The following RSPH4A variants were observed in gnomAD, a reference collection of about 807,000 sequenced individuals.
RSPH4A encodes radial spoke head protein 4 homolog A.
In RSPH4A, 47 loss-of-function variants were observed where a neutral mutation model predicts 71.0. The ratio of observed to expected loss-of-function variants is 0.66; its 90% CI spans 0.52 to 0.84. The LOEUF (loss-of-function observed/expected upper bound fraction) is 0.84, where lower values mean the gene tolerates loss of function less well. Among genes scored for constraint, RSPH4A ranks in the 40% least tolerant of loss-of-function variants. RSPH4A has a pLI of 0.00. For missense variants in RSPH4A, 793 were observed against 855.2 expected (o/e 0.93, Z 0.91); for synonymous variants, 282 against 302.3 (o/e 0.93, Z 0.70).
intron 1 of RSPH4A, among the ~76,000 whole-genome samples, chr6:116,621,590 T>G (rs1265097141): frequency 6.6e-6 from 1 of 152,184 alleles, no homozygotes; most frequent in Non-Finnish European, 1.5e-5. Flanking sequence ...CAGAAAGAAC[T>G]CCTCTGAACT....
At chr6:116,619,017 G>C (rs961799287) in intron 1 of RSPH4A, among the ~76,000 whole-genome samples, 4 of 152,194 alleles carry the variant, frequency 2.6e-5, no homozygotes, top group Non-Finnish European at 4.4e-5. Flanking sequence ...TTATTATAAA[G>C]GATATTACAA....
At chr6:116,628,853 G>T (rs1483877165) in intron 3 of RSPH4A, among the ~76,000 whole-genome samples, 2 of 152,050 alleles carry the variant, frequency 1.3e-5, no homozygotes, top group African/African-American at 4.8e-5. Context: ...ATTGTGCCAG[G>T]TGTGTGTGTG....
In RSPH4A at chr6:116,628,373, G is replaced by A. The variant is rs1055448205; in HGVS notation, c.1662+4G>A. The A allele has an allele frequency of 6.2e-7, 1 of 1,607,240 alleles. No homozygotes were observed. Among genetic ancestry groups the A allele is most frequent in the African/African-American group, 1.3e-5 (1 of 74,748 alleles). On this transcript the variant is annotated splice_donor_region_variant and intron_variant, in intron 3 of 5. Transcript: ENST00000229554. ...TGTACAGCATATTCTCTCTCAGGTAGGAGCTTTGCACTTCTCAATCTATCA... is the reference window on the plus strand; with the variant it reads ...TGTACAGCATATTCTCTCTCAGGTAAGAGCTTTGCACTTCTCAATCTATCA...
chr6:116,622,466 A>G (rs1231247325), intron 1 of RSPH4A, among the ~76,000 whole-genome samples: 1 of 152,202 alleles, frequency 6.6e-6, no homozygotes, highest in Admixed American at 6.5e-5. Context: ...TATTGGAATC[A>G]TTTCCTAAGG....
intron 1 of RSPH4A, among the ~76,000 whole-genome samples, chr6:116,621,374 A>T (rs887520000): frequency 6.6e-6 from 1 of 152,214 alleles, no homozygotes; most frequent in Non-Finnish European, 1.5e-5. Context: ...AGATAAATAG[A>T]GACGTTAAAT....
intron 5 of RSPH4A, among the ~76,000 whole-genome samples, chr6:116,630,930 C>T (rs1775794851): frequency 1.4e-5 from 2 of 144,580 alleles, no homozygotes; most frequent in Admixed American, 1.4e-4. Flanking sequence ...ATCTCATGAT[C>T]CGCCCCGCCT....
intron 5 of RSPH4A, among the ~76,000 whole-genome samples, chr6:116,631,394 G>T (rs934533427): frequency 1.6e-4 from 25 of 152,144 alleles, no homozygotes; most frequent in Admixed American, 1.6e-3. Context: ...TTCCCCCATG[G>T]AATGGCCCTC....
At chr6:116,623,582 ATTTCT>A (rs1332859214) in intron 2 of RSPH4A, among the ~76,000 whole-genome samples, 1 of 152,150 alleles carries the variant, frequency 6.6e-6, no homozygotes, top group Non-Finnish European at 1.5e-5. Context: ...AGAGTAAAGG[ATTTCT>A]TCACATTTTA....
At chr6:116,621,188 A>C (rs1775601647) in intron 1 of RSPH4A, among the ~76,000 whole-genome samples, 1 of 152,110 alleles carries the variant, frequency 6.6e-6, no homozygotes, top group South Asian at 2.1e-4. Context: ...CATGAATATT[A>C]AGGAAGCTTG....
chr6:116,632,502 C>A lies in RSPH4A; in HGVS notation c.*61C>A. On this transcript the variant is annotated 3_prime_UTR_variant, in exon 6 of 6. Coordinates refer to ENST00000229554, the MANE Select transcript of RSPH4A (RefSeq NM_001010892.3). The stretch of plus-strand genomic sequence containing the variant: ...ATACACACACACCCCTTATATGGGA[C>A]TAATTTTACACTTTTCTGTGTTATG... 1.9e-6 allele frequency: 3 copies of A among 1,556,970 alleles called. No individual in the cohort carries two copies. The highest frequency in any genetic ancestry group is 2.6e-6 in the Non-Finnish European group (3 of 1,149,918).
chr6:116,618,290 C>T (rs1231174242), intron 1 of RSPH4A, among the ~76,000 whole-genome samples: 1 of 152,174 alleles, frequency 6.6e-6, no homozygotes, highest in Non-Finnish European at 1.5e-5. Flanking sequence ...TCCTTCATAG[C>T]ATTTAATGTC....
chr6:116,626,522 T>C (rs1385848264), intron 2 of RSPH4A, among the ~76,000 whole-genome samples: 3 of 152,060 alleles, frequency 2.0e-5, no homozygotes, highest in Non-Finnish European at 2.9e-5. Context: ...TTTGTATTTT[T>C]AGTAGAGATG....
chr6:116,630,302 C>T, intron 4 of RSPH4A, 133 bp from the exon 5 acceptor site: 7 of 723,556 alleles, frequency 9.7e-6, no homozygotes, highest in Admixed American at 9.4e-5. Context: ...GCTGTTTTTT[C>T]TTTCTGTATC....
At position 116,628,096 on chromosome 6, in the gene RSPH4A, T is replaced by G; in HGVS notation, c.1389T>G (p.Thr463=). 1 of 1,614,208 alleles carries G rather than the reference T, an allele frequency of 6.2e-7. No homozygotes were observed. Among genetic ancestry groups the G allele is most frequent in the Non-Finnish European group, 8.5e-7 (1 of 1,180,040 alleles). ...CAAGAAAAATCAAGAAATTTTTCAC[T>G]GGGCGATTGGATGCTCCCATCATAA... ...VIARKIKKFF[T]GRLDAPIISY... The change falls in exon 3 of 6, where the codon ACT becomes ACG. Residue 463 remains threonine, a synonymous_variant. Transcript: ENST00000229554.
intron 5 of RSPH4A, 33 bp from the exon 6 acceptor site, chr6:116,632,174 A>T (rs1292522740): frequency 6.7e-7 from 1 of 1,486,686 alleles, no homozygotes; most frequent in Non-Finnish European, 9.2e-7. Context: ...TTATATAATG[A>T]TCTTTTTTTC....
intron 1 of RSPH4A, among the ~76,000 whole-genome samples, 181 bp downstream of exon 1, chr6:116,617,490 C>T (rs1029312623): frequency 6.7e-6 from 1 of 150,232 alleles, no homozygotes; most frequent in Non-Finnish European, 1.5e-5. Context: ...AATGGAGATT[C>T]TTGTACCTTC....
rs1775687649 is a variant in RSPH4A, at chr6:116,626,084, T to A, written c.922-1545T>A. Among the ~76,000 whole-genome samples, 7 of 152,188 alleles carry A rather than the reference T, an allele frequency of 4.6e-5. No homozygotes were observed. In the South Asian group the frequency reaches 1.4e-3, roughly 32 times the overall value. On this transcript the variant is annotated intron_variant, in intron 2 of 5. Transcript: ENST00000229554. ...AGGGAGCAATTAAAGAGACTTAAGA[T>A]GAAATAGTTCTAGAGGGCCAAGTGG...
At position 116,632,384 on chromosome 6, in the gene RSPH4A, C is replaced by T. The variant is rs747726459; in HGVS notation, c.2094C>T (p.Leu698=). ...AFRAAQEAVL[L]AAENEESEED... ...GGGCTGCACAAGAAGCAGTTCTACT[C>T]GCAGCTGAGAATGAAGAATCTGAGG... The change falls in exon 6 of 6, where the codon CTC becomes CTT. Residue 698 remains leucine, a synonymous_variant. Transcript: ENST00000229554. The T allele has an allele frequency of 6.8e-6, 11 of 1,613,610 alleles. No homozygotes were observed. Among genetic ancestry groups the T allele is most frequent in the South Asian group, 5.5e-5 (5 of 91,036 alleles).
At chr6:116,618,528 G>C (rs61594345) in intron 1 of RSPH4A, among the ~76,000 whole-genome samples, 4,189 of 152,266 alleles carry the variant, frequency 0.028, 195 homozygotes, top group African/African-American at 0.094. Flanking sequence ...TTTTGTCTTT[G>C]TTTTGAGACG....
Sources: allele counts gnomAD v4.1 joint callset (sites outside exome capture counted in the v4.1 genomes callset), GRCh38; gene constraint gnomAD v4.1.1; transcripts MANE v1.5; gene names NCBI Gene and HGNC (gene_info 2026-07-23, HGNC 2026-07-21).